The following TLN2 variants were observed in gnomAD, a reference collection of about 807,000 sequenced individuals.
TLN2 encodes the protein talin 2, also known as talin-2.
TLN2 carries 118 observed loss-of-function variants against 294.7 expected under a neutral mutation model. The observed-to-expected ratio is 0.40, with a 90% CI of 0.34 to 0.47. The LOEUF (loss-of-function observed/expected upper bound fraction) is 0.47. TLN2 is among the 20% of genes least tolerant of loss of function. The pLI is 0.84. For missense variants in TLN2, 3,083 were observed against 3,282.2 expected, an observed-to-expected ratio of 0.94 and a Z score of 1.48; for synonymous variants, 1,431 against 1,304.5, an observed-to-expected ratio of 1.10 and a Z score of -2.09.
At chr15:62,662,561 T>G (rs967237387) in intron 9 of TLN2, among the ~76,000 whole-genome samples, 4 of 152,206 alleles carry the variant, frequency 2.6e-5, no homozygotes, top group Non-Finnish European at 5.9e-5. Flanking sequence ...TAAATAGTGT[T>G]TCTTTAAAGG....
At chr15:62,634,817 C>A (rs1464873637) in intron 3 of TLN2, among the ~76,000 whole-genome samples, 2 of 152,244 alleles carry the variant, frequency 1.3e-5, no homozygotes, top group African/African-American at 4.8e-5. Context: ...GGCTGCTCAC[C>A]ATGCACATCC....
At chr15:62,676,459 A>G (rs2141013829) in intron 11 of TLN2, among the ~76,000 whole-genome samples, 1 of 152,346 alleles carries the variant, frequency 6.6e-6, no homozygotes, top group South Asian at 2.1e-4. Context: ...GTTTTAAAAG[A>G]TCAGTGAGTA....
intron 52 of TLN2, among the ~76,000 whole-genome samples, chr15:62,815,036 T>C (rs1242100042): frequency 6.6e-6 from 1 of 152,180 alleles, no homozygotes; most frequent in African/African-American, 2.4e-5. Context: ...AAAGCCAAAT[T>C]GCTAATCTAG....
chr15:62,797,885 G>A (rs1442174401), intron 48 of TLN2, among the ~76,000 whole-genome samples: 1 of 152,206 alleles, frequency 6.6e-6, no homozygotes, highest in African/African-American at 2.4e-5. Flanking sequence ...GGTAGCGACT[G>A]CAACCACACG....
At chr15:62,646,405 G>A (rs2051848171) in intron 3 of TLN2, among the ~76,000 whole-genome samples, 2 of 151,932 alleles carry the variant, frequency 1.3e-5, no homozygotes, top group South Asian at 2.1e-4. Flanking sequence ...CAAGTGATCC[G>A]CCCCCCTCAG....
intron 19 of TLN2, among the ~76,000 whole-genome samples, chr15:62,704,416 T>G (rs928046513): frequency 6.6e-6 from 1 of 152,236 alleles, no homozygotes; most frequent in African/African-American, 2.4e-5. Context: ...GTGGCAATTT[T>G]GCATGCCATT....
intron 2 of TLN2, among the ~76,000 whole-genome samples, chr15:62,595,897 ATGT>A (rs1567163739): frequency 6.6e-6 from 1 of 152,326 alleles, no homozygotes; most frequent in Admixed American, 6.5e-5. Context: ...TGCTGGGGAG[ATGT>A]TGTTCAAAGG....
chr15:62,721,279 A>G (rs1375124066), intron 25 of TLN2, among the ~76,000 whole-genome samples: 1 of 152,224 alleles, frequency 6.6e-6, no homozygotes, highest in Non-Finnish European at 1.5e-5. Context: ...ACAACTTAGC[A>G]GTATATAGAG....
At chr15:62,814,228 G>T (rs950619776) in intron 52 of TLN2, among the ~76,000 whole-genome samples, 1 of 152,184 alleles carries the variant, frequency 6.6e-6, no homozygotes, top group Non-Finnish European at 1.5e-5. Flanking sequence ...ATGGAAAAAA[G>T]GGGACTTCAG....
chr15:62,810,301 A>C (rs2066593166), intron 52 of TLN2, among the ~76,000 whole-genome samples: 1 of 152,206 alleles, frequency 6.6e-6, no homozygotes, highest in South Asian at 2.1e-4. Context: ...TGTAAAAGGA[A>C]GAGGGAGCAG....
chr15:62,669,380 T>G (rs2140993893), intron 9 of TLN2, among the ~76,000 whole-genome samples: 1 of 152,240 alleles, frequency 6.6e-6, no homozygotes, highest in Admixed American at 6.5e-5. Flanking sequence ...GGCTGCGAAC[T>G]TTCAACCTCT....
chr15:62,797,401 A>G lies in TLN2; in HGVS notation c.6233A>G (p.Gln2078Arg). ...ASLGSDDPET[Q>R]VVLINAIKDV... is the part of the protein sequence containing the mutation. ...CTGGGCTCCGACGACCCCGAGACCCAGGTACCAGCAGGGCCTGGGGAGTGC... is the reference window on the plus strand; with the variant it reads ...CTGGGCTCCGACGACCCCGAGACCCGGGTACCAGCAGGGCCTGGGGAGTGC... Residue 2078 changes from glutamine (Q) to arginine (R), a missense_variant and splice_region_variant, in exon 48 of 59, where the codon CAG (glutamine) becomes CGG (arginine). Physicochemically the swap from Gln to Arg is conservative, Grantham distance 43. Coordinates refer to ENST00000636159, the MANE Select transcript of TLN2 (RefSeq NM_015059.3). The G allele has an allele frequency of 6.3e-7, 1 of 1,598,460 alleles. No individual in the cohort carries two copies. Among genetic ancestry groups the G allele is most frequent in the Non-Finnish European group, 8.5e-7 (1 of 1,174,842 alleles).
chr15:62,812,015 A>AATC (rs2066724189), intron 52 of TLN2, among the ~76,000 whole-genome samples: 2 of 137,436 alleles, frequency 1.5e-5, no homozygotes, highest in African/African-American at 6.1e-5. Context: ...CCATCTCAAT[A>AATC]AATAAATAAA....
Position 62,655,939 on chromosome 15 carries a change from T to C in TLN2, c.518-5T>C. ...AGTTCTCTTATATGTCTTGTTGTGT[T>C]GCAGTAAATTGGCTGGATCACAGCC... is the stretch of plus-strand genomic sequence containing the variant. On this transcript the variant is annotated splice_region_variant and splice_polypyrimidine_tract_variant and intron_variant, in intron 7 of 58. Coordinates refer to ENST00000636159, the MANE Select transcript of TLN2 (RefSeq NM_015059.3). The C allele has an allele frequency of 6.2e-7, 1 of 1,614,212 alleles. No homozygotes were observed. Among genetic ancestry groups the C allele is most frequent in the Non-Finnish European group, 8.5e-7 (1 of 1,180,028 alleles).
At chr15:62,437,681 C>G (rs1383023515) in intron 1 of TLN2, among the ~76,000 whole-genome samples, 7 of 152,100 alleles carry the variant, frequency 4.6e-5, no homozygotes, top group Non-Finnish European at 8.8e-5. Flanking sequence ...CCTCAGGATA[C>G]TGATGCCTCT....
Position 62,802,335 on chromosome 15 carries a change from T to A in TLN2, c.6477+1566T>A, listed in dbSNP as rs528618432. On this transcript the variant is annotated intron_variant, in intron 50 of 58. Coordinates refer to ENST00000636159, the MANE Select transcript of TLN2 (RefSeq NM_015059.3). ...TGGCTGAATAGTACTCCATTGTGTA[T>A]GTGTACCACAGTAGCCAAGATTTGG... Among the ~76,000 whole-genome samples, 107 of 152,242 alleles carry A rather than the reference T, an allele frequency of 7.0e-4. 1 individual carries two copies. The highest frequency in any genetic ancestry group is 3.4e-3 in the Middle Eastern group (1 of 294).
At chr15:62,836,133 AG>A in intron 57 of TLN2, 60 bp downstream of exon 57, 2 of 1,541,602 alleles carry the variant, frequency 1.3e-6, no homozygotes, top group South Asian at 1.2e-5. Flanking sequence ...GTGTCACCAG[AG>A]GGGACAAGCC....
At chr15:62,686,861 G>A (rs1449106908) in intron 12 of TLN2, 65 bp downstream of exon 12, 2 of 1,580,706 alleles carry the variant, frequency 1.3e-6, no homozygotes, top group African/African-American at 1.3e-5. Flanking sequence ...GGGGACAGGA[G>A]AAAGACCAGA....
intron 41 of TLN2, among the ~76,000 whole-genome samples, chr15:62,767,450 T>C (rs1047429978): frequency 6.6e-6 from 1 of 152,078 alleles, no homozygotes; most frequent in East Asian, 1.9e-4. Flanking sequence ...CAGTCAATTC[T>C]CCTGCCTCAG....
Sources: gnomAD v4.1 joint callset for allele counts (sites outside exome capture counted in the v4.1 genomes callset) on GRCh38, gnomAD v4.1.1 for gene constraint, MANE v1.5 for transcripts, NCBI Gene and HGNC (gene_info 2026-07-23, HGNC 2026-07-21) for gene names.